Variants in DAPP1 observed in about 807,000 individuals in gnomAD.
DAPP1 encodes dual adapter for phosphotyrosine and 3-phosphotyrosine and 3-phosphoinositide.
Under a neutral mutation model 41.5 loss-of-function variants are expected in DAPP1, and 20 were observed. The ratio of observed to expected loss-of-function variants is 0.48; its 90% CI spans 0.34 to 0.70. DAPP1 has a LOEUF of 0.70. Ranked by LOEUF, DAPP1 falls within the 30% of genes least tolerant of loss-of-function variation. The pLI is 0.01. For synonymous variants in DAPP1, 113 were observed against 116.2 expected, an observed-to-expected ratio of 0.97 and a Z score of 0.18; for missense variants, 233 against 333.4, an observed-to-expected ratio of 0.70 and a Z score of 2.35.
chr4:99,844,559 C>A (rs1379114884), intron 3 of DAPP1: 3 of 152,052 alleles, frequency 2.0e-5, no homozygotes, highest in Non-Finnish European at 2.9e-5. Flanking sequence ...ATGATTAGAA[C>A]AAAAAATTAC....
intron 4 of DAPP1, among the ~76,000 whole-genome samples, chr4:99,861,096 T>C (rs1724220701): frequency 6.6e-6 from 1 of 152,148 alleles, no homozygotes; most frequent in Admixed American, 6.5e-5. Context: ...TGTGATAAAA[T>C]AAATAGTAAA....
chr4:99,848,297 G>A (rs940966234), intron 3 of DAPP1, among the ~76,000 whole-genome samples: 5 of 149,414 alleles, frequency 3.3e-5, no homozygotes, highest in Admixed American at 1.3e-4. Context: ...GCACGATCTC[G>A]GCTCACTGCA....
chr4:99,817,144 T>C, intron 1 of DAPP1, 130 bp downstream of exon 1: 1 of 593,760 alleles, frequency 1.7e-6, no homozygotes, highest in East Asian at 3.2e-5. Context: ...ATTTATTTTT[T>C]TCCACTTTAT....
intron 4 of DAPP1, among the ~76,000 whole-genome samples, chr4:99,855,508 C>G (rs1724015377): frequency 6.6e-6 from 1 of 152,176 alleles, no homozygotes; most frequent in Admixed American, 6.5e-5. Flanking sequence ...ATGGATTCAC[C>G]TCTTTTAAAA....
chr4:99,866,226 A>G, intron 8 of DAPP1, 105 bp downstream of exon 8: 1 of 676,066 alleles, frequency 1.5e-6, no homozygotes, highest in Non-Finnish European at 2.6e-6. Flanking sequence ...AGAATCAAAG[A>G]GATGTCTGGG....
chr4:99,831,900 A>C (rs28602366), intron 1 of DAPP1, among the ~76,000 whole-genome samples: 13,199 of 151,940 alleles, frequency 0.087, 730 homozygotes, highest in African/African-American at 0.15. Context: ...CACATACTTT[A>C]TCTTCTTTAC....
At position 99,846,131 on chromosome 4, in the gene DAPP1, A is replaced by G. The variant is rs575337213; in HGVS notation, c.358+5709A>G. 1.3e-4 allele frequency among the ~76,000 whole-genome samples: 20 copies of G among 152,280 alleles called. No homozygotes were observed. The South Asian group carries it at 3.9e-3, about 30-fold the overall frequency. On this transcript the variant is annotated intron_variant, in intron 3 of 8. Transcript: ENST00000512369. ...TGAAGAAACTGAGGCCTGGTTAGAA[A>G]TGGGGAAGCAAAAACTCACATCTCC...
intron 4 of DAPP1, among the ~76,000 whole-genome samples, chr4:99,859,377 C>T (rs1193682981): frequency 6.6e-6 from 1 of 152,134 alleles, no homozygotes; most frequent in Non-Finnish European, 1.5e-5. Context: ...CATCTAGGTA[C>T]TATGTGCTTA....
intron 4 of DAPP1, among the ~76,000 whole-genome samples, chr4:99,857,513 A>G (rs771185958): frequency 2.0e-5 from 3 of 152,106 alleles, no homozygotes; most frequent in Admixed American, 6.6e-5. Flanking sequence ...CTGTTTCCTT[A>G]GCTTTGGCAA....
At position 99,869,109 on chromosome 4, in the gene DAPP1, T is replaced by C. The variant is rs1724559972; in HGVS notation, c.*924T>C. On this transcript the variant is annotated 3_prime_UTR_variant, in exon 9 of 9. Transcript: ENST00000512369. Reference sequence around the variant, plus strand: ...ATTATAACAATCCCTTTCCCAGAATTAGTTGTATAGGGTTGGCCCAAGAGA... The same window carrying C: ...ATTATAACAATCCCTTTCCCAGAATCAGTTGTATAGGGTTGGCCCAAGAGA... 1 of 152,204 alleles carries C rather than the reference T, an allele frequency of 6.6e-6. No homozygotes were observed. The highest frequency in any genetic ancestry group is 1.5e-5 in the Non-Finnish European group (1 of 68,030). The allele number at this position is 152,204 out of a possible 1,614,324, so 9.4% of individuals were successfully genotyped here.
intron 1 of DAPP1, among the ~76,000 whole-genome samples, chr4:99,817,580 C>G (rs969468996): frequency 1.3e-5 from 2 of 152,122 alleles, no homozygotes; most frequent in African/African-American, 2.4e-5. Context: ...CAACTTTGAG[C>G]CTTTCAGTAC....
downstream of DAPP1, among the ~76,000 whole-genome samples, chr4:99,871,747 A>G (rs1304329912): frequency 6.6e-6 from 1 of 152,220 alleles, no homozygotes; most frequent in Non-Finnish European, 1.5e-5. Flanking sequence ...TGAGTTGCAC[A>G]TGCTTTGTTG....
At chr4:99,835,298 C>G (rs1723262120) in intron 1 of DAPP1, among the ~76,000 whole-genome samples, 2 of 152,124 alleles carry the variant, frequency 1.3e-5, no homozygotes, top group African/African-American at 4.8e-5. Context: ...TGTGAGTCAC[C>G]ACACCCAGCC....
At chr4:99,862,679 A>T (rs1724279530) in intron 5 of DAPP1, among the ~76,000 whole-genome samples, 1 of 152,172 alleles carries the variant, frequency 6.6e-6, no homozygotes, top group African/African-American at 2.4e-5. Context: ...TGATAGACTA[A>T]TTCTTTTTGT....
In DAPP1 at chr4:99,830,725, C is replaced by T. The variant is rs193299931; in HGVS notation, c.102-4898C>T. Among the ~76,000 whole-genome samples the T allele has an allele frequency of 5.7e-3, 865 of 152,252 alleles. 13 individuals carry two copies. Among genetic ancestry groups the T allele is most frequent in the African/African-American group, 0.02 (817 of 41,542 alleles). On this transcript the variant is annotated intron_variant, in intron 1 of 8. Transcript: ENST00000512369. ...TCCCTGAACAACTGCGGATCCAAAC[C>T]CCACCAGACTTTTAATAGGAAAAAG...
chr4:99,850,238 C>T (rs55797991), intron 3 of DAPP1, among the ~76,000 whole-genome samples: 33,958 of 151,988 alleles, frequency 0.22, 4,643 homozygotes, highest in African/African-American at 0.38. Context: ...GACGAAACCC[C>T]GTCTCTACTG....
At chr4:99,860,092 G>T (rs969566733) in intron 4 of DAPP1, among the ~76,000 whole-genome samples, 2 of 152,198 alleles carry the variant, frequency 1.3e-5, no homozygotes, top group Non-Finnish European at 2.9e-5. Context: ...CCCCAATGGG[G>T]GCTCTTATAA....
At chr4:99,818,755 T>C (rs1310775717) in intron 1 of DAPP1, among the ~76,000 whole-genome samples, 2 of 152,030 alleles carry the variant, frequency 1.3e-5, no homozygotes, top group Non-Finnish European at 2.9e-5. Context: ...TTAATAAACA[T>C]GAGGATGATT....
intron 7 of DAPP1, 86 bp downstream of exon 7, chr4:99,863,941 A>G: frequency 1.1e-6 from 1 of 884,528 alleles, no homozygotes. Flanking sequence ...TGTATATCTT[A>G]ATGTCTACAA....
Sources: allele counts gnomAD v4.1 joint callset (sites outside exome capture counted in the v4.1 genomes callset), GRCh38; gene constraint gnomAD v4.1.1; transcripts MANE v1.5; gene names NCBI Gene and HGNC (gene_info 2026-07-23, HGNC 2026-07-21).